KIAA1217: variants seen among roughly 807,000 people sequenced by gnomAD.
The protein encoded by KIAA1217 is KIAA1217.
A neutral mutation model predicts 163.9 loss-of-function variants in KIAA1217; 88 were observed. That is an observed-to-expected ratio of 0.54 (90% CI 0.45 to 0.64). The LOEUF (loss-of-function observed/expected upper bound fraction) is 0.64, where lower values mean the gene tolerates loss of function less well. Among genes scored for constraint, KIAA1217 ranks in the 30% least tolerant of loss-of-function variants. KIAA1217 has a pLI of 0.00. For synonymous variants in KIAA1217, 903 were observed against 923.1 expected (o/e 0.98, Z 0.39); for missense variants, 2,372 against 2,475.0 (o/e 0.96, Z 0.88).
Position 24,433,013 on chromosome 10 carries a change from A to G in KIAA1217, c.572A>G (p.Tyr191Cys). The G allele has an allele frequency of 1.9e-6, 3 of 1,613,630 alleles. No individual in the cohort carries two copies. The highest frequency in any genetic ancestry group is 2.7e-5 in the African/African-American group (2 of 75,040). ...ERSLGVLYLQYGDETKQLRMP... is the reference protein window; with the variant it reads ...ERSLGVLYLQCGDETKQLRMP... ...TGTGCAGGGGTTCTCTATCTCCAGT[A>G]TGGAGATGAAACCAAGCAGCTCAGG... Residue 191 changes from tyrosine (Y) to cysteine (C), a missense_variant, in exon 4 of 21, where the codon TAT becomes TGT. By Grantham distance (194) the Tyr-to-Cys change is radical. Coordinates refer to ENST00000376454, the MANE Select transcript of KIAA1217 (RefSeq NM_019590.5).
intron 3 of KIAA1217, among the ~76,000 whole-genome samples, chr10:24,427,159 T>C (rs2059239917): frequency 6.6e-6 from 1 of 152,090 alleles, no homozygotes; most frequent in Non-Finnish European, 1.5e-5. Flanking sequence ...AAGGTTCATA[T>C]CGACACTCAC....
At chr10:24,281,396 G>A (rs567920323) in intron 2 of KIAA1217, among the ~76,000 whole-genome samples, 16 of 152,242 alleles carry the variant, frequency 1.1e-4, no homozygotes, top group Middle Eastern at 6.8e-3. Context: ...CAGTGTGTTT[G>A]GACAGTTTCT....
chr10:23,731,747 T>C (rs74344497), intron 1 of KIAA1217, among the ~76,000 whole-genome samples: 1 of 144,836 alleles, frequency 6.9e-6, no homozygotes, highest in African/African-American at 2.6e-5. Flanking sequence ...ATTTTTTTTT[T>C]CTTAAATATT....
chr10:23,878,846 T>C (rs1840824397), intron 1 of KIAA1217, among the ~76,000 whole-genome samples: 1 of 151,836 alleles, frequency 6.6e-6, no homozygotes, highest in Admixed American at 6.6e-5. Context: ...TTCTTCCAGA[T>C]TGGATTTGGG....
chr10:23,939,934 A>C (rs148673339), intron 1 of KIAA1217, among the ~76,000 whole-genome samples: 1 of 144,224 alleles, frequency 6.9e-6, no homozygotes, highest in Non-Finnish European at 1.5e-5. Flanking sequence ...AATATGACAC[A>C]TATTAAATAT....
At chr10:24,125,297 G>C (rs2063428189) in intron 2 of KIAA1217, among the ~76,000 whole-genome samples, 1 of 148,132 alleles carries the variant, frequency 6.8e-6, no homozygotes, top group African/African-American at 2.5e-5. Context: ...GGTTGGTAAA[G>C]ATTTGTCTGA....
At chr10:24,189,105 CAA>C (rs1286478652) in intron 2 of KIAA1217, among the ~76,000 whole-genome samples, 8 of 65,060 alleles carry the variant, frequency 1.2e-4, no homozygotes, top group East Asian at 3.5e-4. Flanking sequence ...GACTCTGTCT[CAA>C]AAAAAAAAAA....
In KIAA1217 at chr10:23,847,136, C is replaced by T. The variant is rs1839074892; in HGVS notation, c.-321+151902C>T. 3.9e-5 allele frequency among the ~76,000 whole-genome samples: 6 copies of T among 152,206 alleles called. 1 individual carries two copies. The South Asian group carries it at 1.2e-3, about 32-fold the overall frequency. ...TTAATGTGCTACTGGATTCGGTTTG[C>T]CAGTATTTTATTGAGGATTTTCACA... On this transcript the variant is annotated intron_variant, in intron 1 of 18. Transcript: ENST00000376462.
At chr10:23,887,571 A>G (rs1589017241) in intron 1 of KIAA1217, among the ~76,000 whole-genome samples, 1 of 151,932 alleles carries the variant, frequency 6.6e-6, no homozygotes, top group Non-Finnish European at 1.5e-5. Flanking sequence ...ATTTTTTTAT[A>G]TTGTCTATAA....
rs375797654 is a variant in KIAA1217, at chr10:24,269,009, T to C, written c.354+49100T>C. 3.0e-4 allele frequency among the ~76,000 whole-genome samples: 40 copies of C among 132,744 alleles called. No individual in the cohort carries two copies. The East Asian group carries it at 8.0e-3, about 27-fold the overall frequency. 87.1% of individuals were successfully genotyped at this position (132,744 alleles called of 152,430 possible). A position where few individuals can be genotyped will look rare whatever the true frequency, so the allele number is the denominator to read the frequency against. On this transcript the variant is annotated intron_variant, in intron 2 of 20. Transcript: ENST00000376454. ...TCACTCATAGGTGGGAATTGAACAA[T>C]GAGATCACATGGACACAGGAAGGGG...
chr10:24,310,127 G>A (rs1246479213), intron 2 of KIAA1217, among the ~76,000 whole-genome samples: 1 of 152,126 alleles, frequency 6.6e-6, no homozygotes, highest in African/African-American at 2.4e-5. Flanking sequence ...ATATTAAGCA[G>A]GAGAAGTATT....
chr10:24,331,458 A>G lies in KIAA1217; in HGVS notation c.355-49411A>G, dbSNP rs145942925. On this transcript the variant is annotated intron_variant, in intron 2 of 20. Coordinates refer to ENST00000376454, the MANE Select transcript of KIAA1217 (RefSeq NM_019590.5). ...TTGAAGAGGAAGCAGCTATCAATGCAGAGATTAAATAGACGAAGTCACAAG... is the reference window on the plus strand; with the variant it reads ...TTGAAGAGGAAGCAGCTATCAATGCGGAGATTAAATAGACGAAGTCACAAG... Among the ~76,000 whole-genome samples the G allele has an allele frequency of 1.2e-4, 19 of 152,368 alleles. No homozygotes were observed. The East Asian group carries it at 3.5e-3, about 28-fold the overall frequency.
chr10:24,265,327 A>G (rs542448100), intron 2 of KIAA1217, among the ~76,000 whole-genome samples: 2 of 152,348 alleles, frequency 1.3e-5, no homozygotes, highest in African/African-American at 2.4e-5. Context: ...TCATAATGCC[A>G]CCATGTATGT....
rs578218944 is a variant in KIAA1217, at chr10:24,532,377, C to T, written c.3246+384C>T. ...AAGATGTTCAATGAGCTTTAAATTC[C>T]ACTTAACTAACCAAGTGTTAGCTTT... On this transcript the variant is annotated intron_variant, in intron 15 of 20. Coordinates refer to ENST00000376454, the MANE Select transcript of KIAA1217 (RefSeq NM_019590.5). 3.3e-5 allele frequency among the ~76,000 whole-genome samples: 5 copies of T among 152,264 alleles called. No homozygotes were observed. In the South Asian group the frequency reaches 6.2e-4, roughly 19 times the overall value.
chr10:24,529,127 G>T (rs2072702584), intron 14 of KIAA1217, among the ~76,000 whole-genome samples: 1 of 152,068 alleles, frequency 6.6e-6, no homozygotes, highest in South Asian at 2.1e-4. Flanking sequence ...TCCCCATCTT[G>T]ACTTGCATGT....
At chr10:23,943,734 A>G (rs1173027550) in intron 1 of KIAA1217, among the ~76,000 whole-genome samples, 1 of 152,262 alleles carries the variant, frequency 6.6e-6, no homozygotes, top group East Asian at 1.9e-4. Context: ...CTATGAAGCC[A>G]AAATAATCAG....
At chr10:23,793,234 A>G (rs1256272813) in intron 1 of KIAA1217, among the ~76,000 whole-genome samples, 1 of 152,186 alleles carries the variant, frequency 6.6e-6, no homozygotes, top group Non-Finnish European at 1.5e-5. Context: ...TGTGGTCACA[A>G]GGAGAACTTC....
chr10:23,965,887 C>A (rs561381698), intron 1 of KIAA1217, among the ~76,000 whole-genome samples: 1 of 152,328 alleles, frequency 6.6e-6, no homozygotes, highest in East Asian at 1.9e-4. Flanking sequence ...AAAATGCCCA[C>A]TAACTTTCAG....
chr10:24,297,300 C>T (rs1353343773), intron 2 of KIAA1217, among the ~76,000 whole-genome samples: 5 of 152,198 alleles, frequency 3.3e-5, no homozygotes, highest in African/African-American at 1.2e-4. Flanking sequence ...TTAATAATTG[C>T]ATGCTTAGTG....
Sources: allele counts gnomAD v4.1 joint callset (sites outside exome capture counted in the v4.1 genomes callset), GRCh38; gene constraint gnomAD v4.1.1; transcripts MANE v1.5; gene names NCBI Gene and HGNC (gene_info 2026-07-23, HGNC 2026-07-21).